The following UST variants were observed in gnomAD, a reference collection of about 807,000 sequenced individuals.
UST encodes the protein chondroitin sulfate 2-O-sulfotransferase.
In UST, 21 loss-of-function variants were observed where a neutral mutation model predicts 45.6. The observed-to-expected ratio is 0.46, with a 90% CI of 0.33 to 0.66. The LOEUF is 0.66. UST is among the 30% of genes least tolerant of loss of function. The pLI, the probability that UST is intolerant of heterozygous loss-of-function variation, is 0.02. For synonymous variants in UST, 215 were observed against 200.6 expected (o/e 1.07, Z -0.61); for missense variants, 463 against 512.4 (o/e 0.90, Z 0.93).
At chr6:148,885,318 C>A (rs1778893148) in intron 1 of UST, among the ~76,000 whole-genome samples, 1 of 152,192 alleles carries the variant, frequency 6.6e-6, no homozygotes, top group Non-Finnish European at 1.5e-5. Flanking sequence ...GAGCTCCAGG[C>A]AGCCGCACCA....
chr6:149,053,154 T>C (rs1011632420), intron 7 of UST, among the ~76,000 whole-genome samples: 6 of 152,224 alleles, frequency 3.9e-5, no homozygotes, highest in Non-Finnish European at 8.8e-5. Context: ...TTTAGTTGTT[T>C]AGATATAAAA....
intron 2 of UST, among the ~76,000 whole-genome samples, chr6:148,926,105 G>A (rs1779809101): frequency 6.6e-6 from 1 of 152,150 alleles, no homozygotes; most frequent in African/African-American, 2.4e-5. Flanking sequence ...TAAAGTAATT[G>A]AAGAAAGAAA....
At chr6:148,796,565 A>G (rs1352751077) in intron 1 of UST, among the ~76,000 whole-genome samples, 1 of 137,508 alleles carries the variant, frequency 7.3e-6, no homozygotes, top group Non-Finnish European at 1.5e-5. Context: ...CGGAGGTTGC[A>G]GTGAGCCGAG....
chr6:148,947,883 C>G (rs542787567), intron 3 of UST, among the ~76,000 whole-genome samples: 4 of 151,202 alleles, frequency 2.6e-5, no homozygotes, highest in African/African-American at 9.7e-5. Flanking sequence ...TCTTGGAGCC[C>G]TACACACAGA....
intron 5 of UST, among the ~76,000 whole-genome samples, chr6:148,966,085 A>G (rs1273268911): frequency 2.0e-5 from 3 of 151,880 alleles, no homozygotes; most frequent in Admixed American, 6.6e-5. Flanking sequence ...TTAGCCGAGC[A>G]TGGTGGCGCA....
At chr6:148,889,373 C>G (rs892064912) in intron 2 of UST, among the ~76,000 whole-genome samples, 13 of 152,132 alleles carry the variant, frequency 8.5e-5, no homozygotes, top group Non-Finnish European at 7.4e-5. Context: ...TGATGACTCA[C>G]CATTGTAAGT....
intron 5 of UST, among the ~76,000 whole-genome samples, chr6:148,976,748 A>G (rs1296185843): frequency 6.6e-6 from 1 of 152,218 alleles, no homozygotes; most frequent in African/African-American, 2.4e-5. Context: ...AACTTTTCAG[A>G]AAATTACAGA....
intron 1 of UST, among the ~76,000 whole-genome samples, chr6:148,780,049 A>G (rs979724373): frequency 1.3e-5 from 2 of 151,550 alleles, no homozygotes; most frequent in African/African-American, 4.9e-5. Flanking sequence ...ATTTTATTAT[A>G]GACACATACA....
intron 1 of UST, among the ~76,000 whole-genome samples, chr6:148,796,622 T>TAAAA (rs1449754454): frequency 0.14 from 6,330 of 43,792 alleles, 593 homozygotes; most frequent in East Asian, 0.39. Context: ...AGACTCTGTC[T>TAAAA]CAAAAAAAAA....
chr6:148,756,014 A>G (rs1019796820), intron 1 of UST, among the ~76,000 whole-genome samples: 1 of 37,600 alleles, frequency 2.7e-5, no homozygotes, highest in Non-Finnish European at 5.1e-5. Context: ...CCCTCCCCCC[A>G]CCCCACGACA....
At chr6:149,029,865 C>CG (rs1776112808) in intron 7 of UST, among the ~76,000 whole-genome samples, 3 of 113,410 alleles carry the variant, frequency 2.6e-5, no homozygotes, top group African/African-American at 3.8e-5. Context: ...AGCACTGGAT[C>CG]TTGTGTGTGT....
intron 7 of UST, among the ~76,000 whole-genome samples, chr6:149,032,275 C>T (rs1323428186): frequency 5.9e-5 from 9 of 152,166 alleles, no homozygotes; most frequent in Admixed American, 5.9e-4. Flanking sequence ...GGCTTCCTAA[C>T]AGTGTGGCAG....
chr6:148,903,809 A>T (rs1386050092), intron 2 of UST, among the ~76,000 whole-genome samples: 1 of 152,172 alleles, frequency 6.6e-6, no homozygotes, highest in Non-Finnish European at 1.5e-5. Context: ...GTCACCTGTA[A>T]TGTAGGGGCT....
chr6:149,061,011 T>C (rs1056892703), intron 7 of UST, among the ~76,000 whole-genome samples: 1 of 152,164 alleles, frequency 6.6e-6, no homozygotes, highest in Non-Finnish European at 1.5e-5. Flanking sequence ...AAGAGGGCTC[T>C]GGTCAGCGCG....
intron 6 of UST, among the ~76,000 whole-genome samples, chr6:149,020,400 G>T (rs1775960948): frequency 6.6e-6 from 1 of 152,104 alleles, no homozygotes; most frequent in Admixed American, 6.6e-5. Context: ...TGACTCACTT[G>T]CTGATCACAG....
intron 7 of UST, among the ~76,000 whole-genome samples, chr6:149,054,871 G>T (rs1269418637): frequency 6.6e-6 from 1 of 152,124 alleles, no homozygotes; most frequent in East Asian, 1.9e-4. Flanking sequence ...GCCCAGACTG[G>T]AGTACAGTGG....
chr6:148,799,206 G>A (rs9390612), intron 1 of UST, among the ~76,000 whole-genome samples: 14,305 of 152,158 alleles, frequency 0.094, 737 homozygotes, highest in East Asian at 0.26. Context: ...TAAAATTTAC[G>A]TAGGTTTGGA....
chr6:149,063,164 C>G (rs1776680215), intron 7 of UST, among the ~76,000 whole-genome samples: 1 of 152,170 alleles, frequency 6.6e-6, no homozygotes, highest in African/African-American at 2.4e-5. Flanking sequence ...AGTCTATCCC[C>G]CTGTGGCCCT....
At chr6:148,881,452 A>C (rs1360283272) in intron 1 of UST, among the ~76,000 whole-genome samples, 1 of 152,138 alleles carries the variant, frequency 6.6e-6, no homozygotes, top group African/African-American at 2.4e-5. Context: ...AAATGAACTG[A>C]TTTACCCATA....
Sources: gnomAD v4.1 joint callset for allele counts (sites outside exome capture counted in the v4.1 genomes callset) on GRCh38, gnomAD v4.1.1 for gene constraint, MANE v1.5 for transcripts, NCBI Gene and HGNC (gene_info 2026-07-23, HGNC 2026-07-21) for gene names.